Variants in DNM1L observed in about 807,000 individuals in gnomAD.
DNM1L encodes the protein dynamin-1-like protein.
In DNM1L, 33 loss-of-function variants were observed where a neutral mutation model predicts 92.8. The observed-to-expected ratio is 0.36, with a 90% CI of 0.27 to 0.48. The LOEUF (loss-of-function observed/expected upper bound fraction) is 0.48, where lower values mean the gene tolerates loss of function less well. Ranked by LOEUF, DNM1L falls within the 20% of genes least tolerant of loss-of-function variation. The pLI is 0.99. For missense variants in DNM1L, 485 were observed against 888.8 expected, an observed-to-expected ratio of 0.55 and a Z score of 5.78; for synonymous variants, 284 against 305.0, an observed-to-expected ratio of 0.93 and a Z score of 0.72.
intron 6 of DNM1L, among the ~76,000 whole-genome samples, chr12:32,714,017 A>G (rs1168235752): frequency 6.6e-6 from 1 of 152,146 alleles, no homozygotes. Context: ...TTGACTAATG[A>G]TGTAGTGCAC....
Position 32,733,807 on chromosome 12 carries a change from G to A in DNM1L, c.1539G>A (p.Glu513=). Residue 513 remains glutamate, a splice_region_variant and synonymous_variant, in exon 13 of 20, where the codon GAG becomes GAA. Coordinates refer to ENST00000549701, the MANE Select transcript of DNM1L (RefSeq NM_012062.5). ...DACGLMNNNI[E]EQRRNRLARE... is the part of the protein sequence containing the mutation. The stretch of plus-strand genomic sequence containing the variant: ...GTGGGCTAATGAACAATAATATAGA[G>A]GTAAATATAATTCTTAAATGCTTTT... The A allele has an allele frequency of 6.2e-7, 1 of 1,612,436 alleles. No homozygotes were observed. Among genetic ancestry groups the A allele is most frequent in the Non-Finnish European group, 8.5e-7 (1 of 1,178,774 alleles).
Position 32,707,032 on chromosome 12 carries a change from T to C in DNM1L, c.251-335T>C, listed in dbSNP as rs116484983. The C allele has an allele frequency of 5.8e-3, 1,459 of 252,330 alleles. 16 individuals are homozygous for C. The highest frequency in any genetic ancestry group is 0.03 in the African/African-American group (1,305 of 43,764). 15.6% of individuals were successfully genotyped at this position (252,330 alleles called of 1,614,324 possible). On this transcript the variant is annotated intron_variant, in intron 2 of 19. Coordinates refer to ENST00000549701, the MANE Select transcript of DNM1L (RefSeq NM_012062.5). ...ATTTTCAAAACTAAAGAATATTCCT[T>C]TTACTGTAATATAACTACACAAAAA...
intron 1 of DNM1L, among the ~76,000 whole-genome samples, chr12:32,682,082 TG>T (rs1388401149): frequency 6.6e-6 from 1 of 152,088 alleles, no homozygotes; most frequent in Non-Finnish European, 1.5e-5. Flanking sequence ...TCTATCTTGT[TG>T]AACTTTTTGG....
intron 9 of DNM1L, among the ~76,000 whole-genome samples, chr12:32,727,681 A>C (rs1162202607): frequency 2.6e-5 from 4 of 152,254 alleles, no homozygotes; most frequent in Non-Finnish European, 4.4e-5. Flanking sequence ...ATCATTTCTC[A>C]AATCATGTAA....
chr12:32,705,820 T>G (rs1952900129), intron 2 of DNM1L: 1 of 1,597,874 alleles, frequency 6.3e-7, no homozygotes, highest in Non-Finnish European at 8.5e-7. Flanking sequence ...TCTCTTTAAC[T>G]ACAGACCCTG....
At chr12:32,693,953 A>G (rs1952331820) in intron 1 of DNM1L, among the ~76,000 whole-genome samples, 1 of 151,708 alleles carries the variant, frequency 6.6e-6, no homozygotes, top group Admixed American at 6.6e-5. Flanking sequence ...CATCACCTTT[A>G]AACTAATTTT....
intron 9 of DNM1L, among the ~76,000 whole-genome samples, chr12:32,724,574 T>TCC: frequency 2.0e-5 from 1 of 49,186 alleles, no homozygotes; most frequent in African/African-American, 9.2e-5. Context: ...AGACTCTATC[T>TCC]CCAAAAAAAA....
intron 13 of DNM1L, 188 bp from the exon 14 acceptor site, chr12:32,736,917 A>G (rs1954921658): frequency 3.3e-6 from 2 of 608,642 alleles, no homozygotes; most frequent in Admixed American, 2.9e-5. Context: ...AGAAAAAAAA[A>G]AGATTAAGAA....
intron 4 of DNM1L, among the ~76,000 whole-genome samples, chr12:32,710,064 A>G (rs1367866264): frequency 2.0e-5 from 3 of 152,218 alleles, no homozygotes; most frequent in East Asian, 3.9e-4. Context: ...TAAACATCTC[A>G]TAAGTGTCTT....
intron 9 of DNM1L, chr12:32,725,437 T>C (rs1435450189): frequency 6.6e-6 from 1 of 152,208 alleles, no homozygotes; most frequent in Non-Finnish European, 1.5e-5. Flanking sequence ...GGCTAACTTC[T>C]GAAAAATCCT....
At chr12:32,739,934 C>T in intron 16 of DNM1L, 130 bp from the exon 17 acceptor site, 1 of 1,176,268 alleles carries the variant, frequency 8.5e-7, no homozygotes, top group Non-Finnish European at 1.2e-6. Context: ...TCCTTCTGAC[C>T]TCATTATCTG....
chr12:32,729,795 GA>G, intron 9 of DNM1L, among the ~76,000 whole-genome samples: 1 of 152,248 alleles, frequency 6.6e-6, no homozygotes, highest in East Asian at 1.9e-4. Context: ...GCCTATTGTA[GA>G]TATTTCATAT....
chr12:32,686,407 C>T (rs1952016162), intron 1 of DNM1L, among the ~76,000 whole-genome samples: 1 of 151,300 alleles, frequency 6.6e-6, no homozygotes, highest in Non-Finnish European at 1.5e-5. Context: ...ATAATGACAT[C>T]TCTGTCTAGG....
intron 7 of DNM1L, among the ~76,000 whole-genome samples, chr12:32,719,279 A>G (rs1315042282): frequency 6.6e-6 from 1 of 152,206 alleles, no homozygotes; most frequent in Non-Finnish European, 1.5e-5. Flanking sequence ...AAATGTTTCT[A>G]AAGTAAGCAA....
chr12:32,719,251 A>G (rs975590254), intron 7 of DNM1L, among the ~76,000 whole-genome samples: 4 of 152,200 alleles, frequency 2.6e-5, no homozygotes, highest in Non-Finnish European at 4.4e-5. Flanking sequence ...TGCCTGCCCC[A>G]TAGACATTTT....
At chr12:32,707,879 A>G (rs1952986592) in intron 3 of DNM1L, among the ~76,000 whole-genome samples, 1 of 151,358 alleles carries the variant, frequency 6.6e-6, no homozygotes, top group Non-Finnish European at 1.5e-5. Flanking sequence ...TGAGGATGTG[A>G]GGTTGAGGCT....
intron 1 of DNM1L, among the ~76,000 whole-genome samples, chr12:32,683,671 AG>A (rs2137205108): frequency 6.6e-6 from 1 of 150,950 alleles, no homozygotes; most frequent in African/African-American, 2.4e-5. Flanking sequence ...CAGCCTCCTG[AG>A]TAGCTGGGAT....
At chr12:32,720,961 G>A (rs1441027992) in intron 8 of DNM1L, among the ~76,000 whole-genome samples, 166 bp downstream of exon 8, 1 of 152,114 alleles carries the variant, frequency 6.6e-6, no homozygotes, top group Non-Finnish European at 1.5e-5. Flanking sequence ...TTTTATTGGG[G>A]TGGTTGACAT....
At chr12:32,713,105 A>G (rs1310122889) in intron 5 of DNM1L, 104 bp from the exon 6 acceptor site, 9 of 1,110,970 alleles carry the variant, frequency 8.1e-6, no homozygotes, top group Non-Finnish European at 9.0e-6. Flanking sequence ...TTTTATTTTA[A>G]CTATTTTTAA....
Sources: allele counts gnomAD v4.1 joint callset (sites outside exome capture counted in the v4.1 genomes callset), GRCh38; gene constraint gnomAD v4.1.1; transcripts MANE v1.5; gene names NCBI Gene and HGNC (gene_info 2026-07-23, HGNC 2026-07-21).